Variants in CACNA1C observed in about 807,000 individuals in gnomAD.
CACNA1C encodes calcium voltage-gated channel subunit alpha1 C, also known as voltage-dependent L-type calcium channel subunit alpha-1C.
A neutral mutation model predicts 229.0 loss-of-function variants in CACNA1C; 30 were observed. That is an observed-to-expected ratio of 0.13 (90% CI 0.10 to 0.18). The LOEUF is 0.18. Among genes scored for constraint, CACNA1C ranks in the 10% least tolerant of loss-of-function variants. The pLI, the probability that CACNA1C is intolerant of heterozygous loss-of-function variation, is 1.00. For synonymous variants in CACNA1C, 1,114 were observed against 1,132.5 expected (o/e 0.98, Z 0.33); for missense variants, 1,658 against 2,845.0 (o/e 0.58, Z 9.49).
chr12:2,225,301 C>A (rs79559992), intron 3 of CACNA1C, among the ~76,000 whole-genome samples: 2,310 of 152,244 alleles, frequency 0.015, 50 homozygotes, highest in African/African-American at 0.046. Flanking sequence ...ATTCTAATAT[C>A]TTCTTAAAAA....
intron 3 of CACNA1C, among the ~76,000 whole-genome samples, chr12:2,373,777 C>T (rs10466899): frequency 0.014 from 2,116 of 152,174 alleles, 24 homozygotes; most frequent in South Asian, 0.055. Flanking sequence ...CCATTAGTGG[C>T]GATTAAAAAA....
rs1020499726 is a variant in CACNA1C, at chr12:2,067,532, T to C, written c.49+13921T>C. Among the ~76,000 whole-genome samples, 1 of 151,414 alleles carries C rather than the reference T, an allele frequency of 6.6e-6. No individual in the cohort carries two copies. Among genetic ancestry groups the C allele is most frequent in the Admixed American group, 6.6e-5 (1 of 15,204 alleles). On this transcript the variant is annotated intron_variant, in intron 1 of 46. Coordinates refer to ENST00000399655, the MANE Select transcript of CACNA1C (RefSeq NM_000719.7). The surrounding 1 kb of genome is among the most constrained non-coding windows in gnomAD (Gnocchi z 5.3). ...AGGGCAGGCACATGAAGACAGACTT[T>C]ATTGGTTTCACAGTTTGGCCTCCAG...
intron 1 of CACNA1C, among the ~76,000 whole-genome samples, chr12:2,111,605 T>C (rs924156575): frequency 6.6e-6 from 1 of 151,484 alleles, no homozygotes; most frequent in Non-Finnish European, 1.5e-5. Flanking sequence ...CATGAGTGAA[T>C]TGGGGGCTGG....
chr12:2,004,194 C>T, intron 1 of CACNA1C: 1 of 1,559,516 alleles, frequency 6.4e-7, no homozygotes. Context: ...CGTCTCCTCC[C>T]CCTCACCGGG....
intron 9 of CACNA1C, among the ~76,000 whole-genome samples, chr12:2,513,322 G>C (rs2099789000): frequency 6.6e-6 from 1 of 152,246 alleles, no homozygotes; most frequent in Non-Finnish European, 1.5e-5. Context: ...CTTCCCGTTT[G>C]AAAGCGCAGG....
At chr12:2,068,943 A>C (rs1259310505) in intron 1 of CACNA1C, among the ~76,000 whole-genome samples, 2 of 152,210 alleles carry the variant, frequency 1.3e-5, no homozygotes, top group Admixed American at 6.5e-5. Flanking sequence ...TGGGGAATGA[A>C]CTCAGAGTCC....
intron 1 of CACNA1C, among the ~76,000 whole-genome samples, chr12:2,002,839 T>G (rs1188713473): frequency 6.6e-6 from 1 of 152,158 alleles, no homozygotes. Flanking sequence ...TTAATTACCA[T>G]GGAGGAAACT....
chr12:2,275,883 A>G lies in CACNA1C; in HGVS notation c.477+155453A>G, dbSNP rs897562561. The stretch of plus-strand genomic sequence containing the variant: ...CCTCAAAAAACATGGGTTTTGAGCC[A>G]GACGGAAAGTCATCAAGCCCAGTTA... On this transcript the variant is annotated intron_variant, in intron 3 of 46. Transcript: ENST00000399655. This position sits in a 1 kb window ranked among gnomAD's most constrained non-coding sequence, Gnocchi z 4.1. Among the ~76,000 whole-genome samples the G allele has an allele frequency of 2.0e-5, 3 of 152,066 alleles. No individual in the cohort carries two copies. The highest frequency in any genetic ancestry group is 3.2e-3 in the Middle Eastern group (1 of 316).
At chr12:2,314,086 A>C (rs1393106919) in intron 3 of CACNA1C, among the ~76,000 whole-genome samples, 4 of 151,980 alleles carry the variant, frequency 2.6e-5, no homozygotes, top group Admixed American at 6.6e-5. Flanking sequence ...CCTTTGACCA[A>C]GGTTTTTATA....
intron 4 of CACNA1C, among the ~76,000 whole-genome samples, chr12:2,454,699 G>A (rs2099406058): frequency 1.3e-5 from 2 of 152,034 alleles, no homozygotes; most frequent in African/African-American, 4.8e-5. Flanking sequence ...GGAGGCCCTC[G>A]GTGACACCTG....
At chr12:2,341,787 G>T (rs558679065) in intron 3 of CACNA1C, among the ~76,000 whole-genome samples, 1 of 152,322 alleles carries the variant, frequency 6.6e-6, no homozygotes, top group Non-Finnish European at 1.5e-5. Flanking sequence ...GGTTGATAAG[G>T]AGTTTGACTG....
At chr12:2,435,213 C>T (rs2099122714) in intron 3 of CACNA1C, among the ~76,000 whole-genome samples, 1 of 152,238 alleles carries the variant, frequency 6.6e-6, no homozygotes. Flanking sequence ...CCTCCCCTGC[C>T]ACCTTCAGGC....
chr12:2,387,001 T>G (rs2098403013), intron 3 of CACNA1C, among the ~76,000 whole-genome samples: 1 of 152,260 alleles, frequency 6.6e-6, no homozygotes, highest in Non-Finnish European at 1.5e-5. Context: ...AAGATGGTTC[T>G]CACAGCTCTT....
Position 2,319,290 on chromosome 12 carries a change from CA to C in CACNA1C, c.478-129685del, listed in dbSNP as rs542789134. On this transcript the variant is annotated intron_variant, in intron 3 of 46. Coordinates refer to ENST00000399655, the MANE Select transcript of CACNA1C (RefSeq NM_000719.7). This position sits in a 1 kb window ranked among gnomAD's most constrained non-coding sequence, Gnocchi z 4.0. ...GTGCATGGTGGGTGGCCTGTGGGGG[CA>C]GCGTGCATGAAGGCGGCATGCATGG... is the stretch of plus-strand genomic sequence containing the variant. 2.6e-3 allele frequency among the ~76,000 whole-genome samples: 388 copies of C among 151,962 alleles called. 1 individual carries two copies. The highest frequency in any genetic ancestry group is 4.0e-3 in the Non-Finnish European group (273 of 67,920).
At chr12:2,074,933 TG>T (rs1279009674) in intron 1 of CACNA1C, among the ~76,000 whole-genome samples, 1 of 152,288 alleles carries the variant, frequency 6.6e-6, no homozygotes, top group East Asian at 1.9e-4. Context: ...CCTTTCAACC[TG>T]CCAACACCCA....
intron 9 of CACNA1C, among the ~76,000 whole-genome samples, chr12:2,544,966 T>C (rs1255624164): frequency 6.6e-6 from 1 of 152,244 alleles, no homozygotes; most frequent in Non-Finnish European, 1.5e-5. Flanking sequence ...TTAGATGTAA[T>C]GGTTTCGCTG....
chr12:2,112,745 T>C (rs2082263814), intron 1 of CACNA1C, among the ~76,000 whole-genome samples: 2 of 152,176 alleles, frequency 1.3e-5, no homozygotes, highest in Admixed American at 6.5e-5. Context: ...GCATGAGTGA[T>C]GCCATTCCCT....
chr12:2,234,647 A>G (rs2066616975), intron 3 of CACNA1C, among the ~76,000 whole-genome samples: 2 of 152,076 alleles, frequency 1.3e-5, no homozygotes, highest in Admixed American at 1.3e-4. Context: ...GGTGTTTTTC[A>G]CAAAAATTTT....
At chr12:2,463,060 C>G (rs913418230) in intron 5 of CACNA1C, among the ~76,000 whole-genome samples, 2 of 149,660 alleles carry the variant, frequency 1.3e-5, no homozygotes, top group East Asian at 2.0e-4. Flanking sequence ...CTATAGGCAC[C>G]CGCCACCACG....
Sources: gnomAD v4.1 joint callset for allele counts (sites outside exome capture counted in the v4.1 genomes callset) on GRCh38, gnomAD v4.1.1 for gene constraint, Gnocchi (gnomAD v3.1) non-coding constraint, MANE v1.5 for transcripts, NCBI Gene and HGNC (gene_info 2026-07-23, HGNC 2026-07-21) for gene names.